CHRM3: variants seen among roughly 807,000 people sequenced by gnomAD.
CHRM3 encodes the protein cholinergic receptor muscarinic 3.
In CHRM3, 11 loss-of-function variants were observed where a neutral mutation model predicts 41.8. The ratio of observed to expected loss-of-function variants is 0.26; its 90% CI spans 0.17 to 0.44. The LOEUF is 0.44. Among genes scored for constraint, CHRM3 ranks in the 20% least tolerant of loss-of-function variants. The pLI, the probability that CHRM3 is intolerant of heterozygous loss-of-function variation, is 1.00. For missense variants in CHRM3, 571 were observed against 745.4 expected (o/e 0.77, Z 2.72); for synonymous variants, 297 against 301.4 (o/e 0.99, Z 0.15).
intron 4 of CHRM3, among the ~76,000 whole-genome samples, chr1:239,642,796 C>G (rs570824352): frequency 1.4e-4 from 21 of 152,310 alleles, no homozygotes; most frequent in African/African-American, 4.8e-4. Flanking sequence ...CAGCTTTGTT[C>G]CATTGCTGGT....
intron 3 of CHRM3, among the ~76,000 whole-genome samples, chr1:239,618,646 C>T (rs923111501): frequency 6.3e-4 from 96 of 151,374 alleles, no homozygotes; most frequent in Non-Finnish European, 8.1e-4. Flanking sequence ...AGATCGAGAC[C>T]ATCCTGGCTA....
At chr1:239,601,698 A>T (rs950847308) in intron 3 of CHRM3, among the ~76,000 whole-genome samples, 1 of 152,184 alleles carries the variant, frequency 6.6e-6, no homozygotes, top group Non-Finnish European at 1.5e-5. Flanking sequence ...AATATCCAAT[A>T]TAATAAGTGC....
At chr1:239,857,545 T>A in intron 6 of CHRM3, among the ~76,000 whole-genome samples, 1 of 152,214 alleles carries the variant, frequency 6.6e-6, no homozygotes, top group African/African-American at 2.4e-5. Flanking sequence ...ATAAAACATC[T>A]TTTTAAAGTT....
intron 6 of CHRM3, among the ~76,000 whole-genome samples, chr1:239,885,612 A>G (rs148362249): frequency 6.6e-6 from 1 of 152,198 alleles, no homozygotes; most frequent in African/African-American, 2.4e-5. Context: ...TTTGTTGCCA[A>G]ACAATGACTT....
intron 5 of CHRM3, among the ~76,000 whole-genome samples, chr1:239,747,776 A>G (rs191013653): frequency 1.6e-4 from 25 of 152,312 alleles, no homozygotes; most frequent in Admixed American, 1.4e-3. Flanking sequence ...TCATGCCTGC[A>G]ATACCAGCAT....
chr1:239,414,457 C>T (rs1260411823), intron 1 of CHRM3, among the ~76,000 whole-genome samples: 1 of 152,218 alleles, frequency 6.6e-6, no homozygotes, highest in Non-Finnish European at 1.5e-5. Context: ...TTGGAACAAA[C>T]CATCCTCCAG....
At chr1:239,430,685 A>G (rs986126434) in intron 1 of CHRM3, among the ~76,000 whole-genome samples, 6 of 151,518 alleles carry the variant, frequency 4.0e-5, no homozygotes, top group Admixed American at 1.3e-4. Context: ...ATATATATAT[A>G]TATACACACA....
At chr1:239,548,388 C>G (rs369649274) in intron 3 of CHRM3, among the ~76,000 whole-genome samples, 1 of 152,180 alleles carries the variant, frequency 6.6e-6, no homozygotes, top group Non-Finnish European at 1.5e-5. Flanking sequence ...ACAATGACAG[C>G]GTTTGGTTTG....
Position 239,884,885 on chromosome 1 carries a change from T to C in CHRM3, c.-19-22548T>C, listed in dbSNP as rs528832851. On this transcript the variant is annotated intron_variant, in intron 6 of 6. Coordinates refer to ENST00000676153, the MANE Select transcript of CHRM3 (RefSeq NM_001375978.1). ...AAACAGCGAATTCTTGTTAAGTGGC[T>C]GGTAAAAAAACAAGCATAATATGGT... is the stretch of plus-strand genomic sequence containing the variant. Among the ~76,000 whole-genome samples the C allele has an allele frequency of 2.8e-4, 43 of 152,236 alleles. 1 individual carries two copies. Among genetic ancestry groups the C allele is most frequent in the African/African-American group, 9.4e-4 (39 of 41,550 alleles).
intron 2 of CHRM3, among the ~76,000 whole-genome samples, chr1:239,517,313 T>G (rs572614434): frequency 2.5e-4 from 38 of 152,220 alleles, no homozygotes; most frequent in Non-Finnish European, 4.7e-4. Flanking sequence ...TAGGATTATT[T>G]ATTTCCCTCA....
At chr1:239,631,874 A>G (rs926335724) in intron 3 of CHRM3, among the ~76,000 whole-genome samples, 1 of 152,212 alleles carries the variant, frequency 6.6e-6, no homozygotes, top group Non-Finnish European at 1.5e-5. Context: ...CATCACTTAC[A>G]TGCAAAATGA....
chr1:239,658,957 C>G (rs749327319), intron 4 of CHRM3, among the ~76,000 whole-genome samples: 1 of 152,006 alleles, frequency 6.6e-6, no homozygotes, highest in South Asian at 2.1e-4. Flanking sequence ...AGGCTGGTCT[C>G]GAACTCTTGA....
In CHRM3 at chr1:239,908,042, T is replaced by A; in HGVS notation, c.591T>A (p.Phe197Leu). Residue 197 changes from phenylalanine to leucine, a missense_variant, in exon 7 of 7, where the codon TTT becomes TTA. This residue lies in a region of CHRM3 where 153 missense variants were observed against 296.3 expected (regional missense o/e 0.52). Coordinates refer to ENST00000676153, the MANE Select transcript of CHRM3 (RefSeq NM_001375978.1). The surrounding 1 kb of genome is among the most constrained non-coding windows in gnomAD (Gnocchi z 7.2). ...VMIGLAWVIS[F>L]VLWAPAILFW... ...TCGGTCTGGCTTGGGTCATCTCCTT[T>A]GTCCTTTGGGCTCCTGCCATCTTGT... 6.2e-7 allele frequency: 1 copy of A among 1,614,202 alleles called. No homozygotes were observed. The highest frequency in any genetic ancestry group is 8.5e-7 in the Non-Finnish European group (1 of 1,180,050).
chr1:239,753,605 C>A (rs572261529), intron 5 of CHRM3, among the ~76,000 whole-genome samples: 1 of 152,246 alleles, frequency 6.6e-6, no homozygotes, highest in African/African-American at 2.4e-5. Flanking sequence ...CCCACCAGGT[C>A]CCTTCCCCAA....
chr1:239,744,732 G>A (rs1046449161), intron 5 of CHRM3, among the ~76,000 whole-genome samples: 1 of 152,174 alleles, frequency 6.6e-6, no homozygotes, highest in African/African-American at 2.4e-5. Flanking sequence ...ATAGGTAGAT[G>A]TAAGAGTCAG....
At chr1:239,484,051 T>G (rs1376104178) in intron 1 of CHRM3, among the ~76,000 whole-genome samples, 1 of 152,166 alleles carries the variant, frequency 6.6e-6, no homozygotes, top group Non-Finnish European at 1.5e-5. Context: ...CCTCAAGATC[T>G]CCAAAAGATC....
chr1:239,791,100 T>C (rs1315895117), intron 5 of CHRM3, among the ~76,000 whole-genome samples: 2 of 151,912 alleles, frequency 1.3e-5, no homozygotes, highest in African/African-American at 4.8e-5. Flanking sequence ...CTTTTCTTTA[T>C]TTTTGTTTAT....
At position 239,684,748 on chromosome 1, in the gene CHRM3, G is replaced by GAAAGAAAGAAAGAA. The variant is rs1553363709; in HGVS notation, c.-147+6461_-147+6462insAAGAAAGAAAGAAA. Among the ~76,000 whole-genome samples the GAAAGAAAGAAAGAA allele has an allele frequency of 3.2e-4, 34 of 107,804 alleles. 1 individual carries two copies. Among genetic ancestry groups the GAAAGAAAGAAAGAA allele is most frequent in the East Asian group, 1.0e-3 (4 of 3,868 alleles). The allele number at this position is 107,804 out of a possible 152,430, so 70.7% of individuals were successfully genotyped here. On this transcript the variant is annotated intron_variant, in intron 5 of 6. Coordinates refer to ENST00000676153, the MANE Select transcript of CHRM3 (RefSeq NM_001375978.1). ...AAAGGAAAGGAAAGAGAGAAAGAAAGAGAAAGAAAGAAAGAAAGAAAGAGA... is the reference window on the plus strand; with the variant it reads ...AAAGGAAAGGAAAGAGAGAAAGAAAGAAAGAAAGAAAGAAAGAAAGAAAGAAAGAAAGAAAGAGA...
chr1:239,907,849 G>A lies in CHRM3; in HGVS notation c.398G>A (p.Arg133Gln), dbSNP rs1680096041. The A allele has an allele frequency of 4.3e-6, 7 of 1,614,064 alleles. No individual in the cohort carries two copies. Among genetic ancestry groups the A allele is most frequent in the East Asian group, 4.5e-5 (2 of 44,896 alleles). The change falls in exon 7 of 7, where the codon CGA (arginine) becomes CAA (glutamine). Residue 133 changes from arginine (R) to glutamine (Q), a missense_variant. Arg to Gln is a conservative substitution (Grantham distance 43). This residue lies in a region of CHRM3 where 153 missense variants were observed against 296.3 expected (regional missense o/e 0.52). Transcript: ENST00000676153. The surrounding 1 kb of genome is among the most constrained non-coding windows in gnomAD (Gnocchi z 5.4). ...TTTACGACCTACATCATCATGAATC[G>A]ATGGGCCTTAGGGAACTTGGCCTGT... The part of the protein sequence containing the change: ...NLFTTYIIMN[R>Q]WALGNLACDL...
Sources: gnomAD v4.1 joint callset for allele counts (sites outside exome capture counted in the v4.1 genomes callset) on GRCh38, gnomAD v4.1.1 for gene constraint, gnomAD v4.1.1 regional missense constraint, Gnocchi (gnomAD v3.1) non-coding constraint, MANE v1.5 for transcripts, NCBI Gene and HGNC (gene_info 2026-07-23, HGNC 2026-07-21) for gene names.